ITGA4: variants seen among roughly 807,000 people sequenced by gnomAD.
The protein encoded by ITGA4 is integrin alpha-4.
ITGA4 carries 63 observed loss-of-function variants against 133.6 expected under a neutral mutation model. The observed-to-expected ratio is 0.47, with a 90% CI of 0.38 to 0.58. The LOEUF is 0.58. ITGA4 is among the 20% of genes least tolerant of loss of function. The pLI is 0.00. For synonymous variants in ITGA4, 483 were observed against 438.0 expected, an observed-to-expected ratio of 1.10 and a Z score of -1.28; for missense variants, 1,076 against 1,252.7, an observed-to-expected ratio of 0.86 and a Z score of 2.13.
chr2:181,462,001 T>C (rs1015008988), intron 2 of ITGA4, among the ~76,000 whole-genome samples: 1 of 152,168 alleles, frequency 6.6e-6, no homozygotes, highest in East Asian at 1.9e-4. Flanking sequence ...TTAGGCGAAA[T>C]AAAATTTTAG....
At position 181,494,880 on chromosome 2, in the gene ITGA4, A is replaced by C. The variant is rs908003773; in HGVS notation, c.1339+68A>C. On this transcript the variant is annotated intron_variant, in intron 12 of 27. Coordinates refer to ENST00000397033, the MANE Select transcript of ITGA4 (RefSeq NM_000885.6). ...CTATCATAGATACTGCTTTATAGTGAAGTACGTAAAACTGGTATGAAAGAC... is the reference window on the plus strand; with the variant it reads ...CTATCATAGATACTGCTTTATAGTGCAGTACGTAAAACTGGTATGAAAGAC... 37 of 819,590 alleles carry C rather than the reference A, an allele frequency of 4.5e-5. No individual in the cohort carries two copies. In the South Asian group the frequency reaches 5.4e-4, roughly 12 times the overall value. 50.8% of individuals were successfully genotyped at this position (819,590 alleles called of 1,614,324 possible). A position where few individuals can be genotyped will look rare whatever the true frequency, so the allele number is the denominator to read the frequency against.
Position 181,482,418 on chromosome 2 carries a change from A to G in ITGA4, c.899A>G (p.Lys300Arg). Residue 300 changes from lysine to arginine, a missense_variant, in exon 8 of 28, where the codon AAA becomes AGA. By Grantham distance (26) the Lys-to-Arg change is conservative. Transcript: ENST00000397033. ...AATATCTTACATGAAATGAAAGGTA[A>G]AAAGGTAATATGTCTCTACCTTTAG... is the stretch of plus-strand genomic sequence containing the variant. ...ELNILHEMKG[K>R]KLGSYFGASV... 5 of 1,613,326 alleles carry G rather than the reference A, an allele frequency of 3.1e-6. No individual in the cohort carries two copies. The highest frequency in any genetic ancestry group is 1.1e-5 in the South Asian group (1 of 90,996).
intron 2 of ITGA4, among the ~76,000 whole-genome samples, chr2:181,466,129 G>A (rs927989118): frequency 6.6e-5 from 10 of 152,014 alleles, no homozygotes; most frequent in African/African-American, 2.4e-4. Flanking sequence ...TCCTGGCAGA[G>A]ACCCCAAACC....
rs2105781880 is a variant in ITGA4, at chr2:181,537,588, T to C, written c.*2061T>C. 2.3e-6 allele frequency: 1 copy of C among 429,454 alleles called. No individual in the cohort carries two copies. Among genetic ancestry groups the C allele is most frequent in the Non-Finnish European group, 4.6e-6 (1 of 217,634 alleles). 26.6% of individuals were successfully genotyped at this position (429,454 alleles called of 1,614,324 possible). ...AGGCAGACTTATGAAATCTGTATTATATTTGTAACAGAATATAGGAAATTT... is the reference window on the plus strand; with the variant it reads ...AGGCAGACTTATGAAATCTGTATTACATTTGTAACAGAATATAGGAAATTT... On this transcript the variant is annotated 3_prime_UTR_variant, in exon 28 of 28. Transcript: ENST00000397033.
At chr2:181,480,467 C>T (rs1261866457) in intron 6 of ITGA4, among the ~76,000 whole-genome samples, 1 of 152,030 alleles carries the variant, frequency 6.6e-6, no homozygotes, top group East Asian at 1.9e-4. Flanking sequence ...ACACATGTGA[C>T]TAAAATCATC....
intron 23 of ITGA4, among the ~76,000 whole-genome samples, chr2:181,530,045 ACTT>A (rs1304382881): frequency 6.6e-6 from 1 of 152,214 alleles, no homozygotes; most frequent in African/African-American, 2.4e-5. Context: ...TATTCAAACC[ACTT>A]CTTAAGAACC....
chr2:181,458,791 T>C (rs1282335870), intron 2 of ITGA4: 1 of 156,890 alleles, frequency 6.4e-6, no homozygotes, highest in Non-Finnish European at 1.4e-5. Context: ...AAAAAAAAAG[T>C]GATAGTTTTA....
chr2:181,524,460 G>A (rs1686792205), intron 20 of ITGA4: 2 of 444,148 alleles, frequency 4.5e-6, no homozygotes, highest in Admixed American at 4.3e-5. Context: ...TATTAGATTA[G>A]ATTAGAGTAG....
At chr2:181,533,851 G>A (rs747074825) in intron 25 of ITGA4, among the ~76,000 whole-genome samples, 7 of 152,094 alleles carry the variant, frequency 4.6e-5, no homozygotes, top group East Asian at 1.9e-4. Context: ...TGGATTCTGC[G>A]TTATAAAATC....
chr2:181,531,941 A>G (rs1686953966), intron 25 of ITGA4, among the ~76,000 whole-genome samples, 165 bp downstream of exon 25: 2 of 152,238 alleles, frequency 1.3e-5, no homozygotes. Flanking sequence ...AACTATCTAC[A>G]TTGACTAAGT....
chr2:181,534,279 C>CT lies in ITGA4; in HGVS notation c.2794dup (p.Ser932PhefsTer6). ...CCTTCTTTTATTAAACAGGATGAGA[C>CT]TTCAGCACTCAAGTTTGAAATAAGA... On this transcript the variant is annotated frameshift_variant, in exon 26 of 28. Coordinates refer to ENST00000397033, the MANE Select transcript of ITGA4 (RefSeq NM_000885.6). LOFTEE classifies it high-confidence loss of function. 1 of 1,594,738 alleles carries CT rather than the reference C, an allele frequency of 6.3e-7. No individual in the cohort carries two copies. The highest frequency in any genetic ancestry group is 8.6e-7 in the Non-Finnish European group (1 of 1,162,752).
chr2:181,523,489 T>A lies in ITGA4; in HGVS notation c.2126T>A (p.Leu709His), dbSNP rs761091816. The A allele has an allele frequency of 1.2e-6, 2 of 1,609,194 alleles. No homozygotes were observed. Among genetic ancestry groups the A allele is most frequent in the Admixed American group, 3.3e-5 (2 of 60,002 alleles). Residue 709 changes from leucine to histidine, a missense_variant, in exon 19 of 28, where the codon CTT becomes CAT. Coordinates refer to ENST00000397033, the MANE Select transcript of ITGA4 (RefSeq NM_000885.6). This position sits in a 1 kb window ranked among gnomAD's most constrained non-coding sequence, Gnocchi z 4.2. ...ACAGATAACTCTGGCGTGGTACAAC[T>A]TGACTGCAGTATTGGCTATATATAT... is the stretch of plus-strand genomic sequence containing the variant. ...EVTDNSGVVQ[L>H]DCSIGYIYVD...
chr2:181,460,682 T>C (rs1685254613), intron 2 of ITGA4, among the ~76,000 whole-genome samples: 1 of 151,942 alleles, frequency 6.6e-6, no homozygotes, highest in Non-Finnish European at 1.5e-5. Context: ...CTTAGCTCAG[T>C]ACTGACACAT....
At chr2:181,535,098 C>T (rs1252160774) in intron 27 of ITGA4, among the ~76,000 whole-genome samples, 163 bp downstream of exon 27, 1 of 152,024 alleles carries the variant, frequency 6.6e-6, no homozygotes, top group Non-Finnish European at 1.5e-5. Context: ...CAAAGTCTTT[C>T]TAGAAAAATA....
rs1334769925 is a variant in ITGA4 at position 181,509,651 on chromosome 2, T to G, written c.1696-7T>G. On this transcript the variant is annotated splice_region_variant and splice_polypyrimidine_tract_variant and intron_variant, in intron 15 of 27. Coordinates refer to ENST00000397033, the MANE Select transcript of ITGA4 (RefSeq NM_000885.6). ...TTGTTAATTCATATGGTGGTTATTTTCCTTAGAAAGATGTGCGGGACATCC... is the reference window on the plus strand; with the variant it reads ...TTGTTAATTCATATGGTGGTTATTTGCCTTAGAAAGATGTGCGGGACATCC... The G allele has an allele frequency of 1.3e-6, 2 of 1,567,966 alleles. No homozygotes were observed. The highest frequency in any genetic ancestry group is 2.8e-5 in the African/African-American group (2 of 72,352).
At chr2:181,511,113 C>T (rs1686498518) in intron 16 of ITGA4, among the ~76,000 whole-genome samples, 1 of 151,906 alleles carries the variant, frequency 6.6e-6, no homozygotes, top group African/African-American at 2.4e-5. Context: ...CCATTTTTTC[C>T]TTTTGCCCAG....
At chr2:181,490,622 A>C (rs971843535) in intron 10 of ITGA4, among the ~76,000 whole-genome samples, 1 of 152,098 alleles carries the variant, frequency 6.6e-6, no homozygotes, top group Non-Finnish European at 1.5e-5. Context: ...ATGAGTCTAT[A>C]GAGCATGGGA....
At chr2:181,532,746 C>T (rs1340456818) in intron 25 of ITGA4, among the ~76,000 whole-genome samples, 1 of 152,108 alleles carries the variant, frequency 6.6e-6, no homozygotes, top group East Asian at 1.9e-4. Flanking sequence ...TTTCTCTTGC[C>T]TGATTGCCCT....
Position 181,494,026 on chromosome 2 carries a change from T to C in ITGA4, c.1248+607T>C, listed in dbSNP as rs531325895. Among the ~76,000 whole-genome samples, 416 of 152,304 alleles carry C rather than the reference T, an allele frequency of 2.7e-3. 2 individuals carry two copies. Among genetic ancestry groups the C allele is most frequent in the Non-Finnish European group, 4.7e-3 (317 of 68,020 alleles). On this transcript the variant is annotated intron_variant, in intron 11 of 27. Coordinates refer to ENST00000397033, the MANE Select transcript of ITGA4 (RefSeq NM_000885.6). The stretch of plus-strand genomic sequence containing the variant: ...GCACAGTTATTTTTGATTAGAAAAA[T>C]GAGCAAATGGTTCTCTGTAATTGAC...
Sources: allele counts gnomAD v4.1 joint callset (sites outside exome capture counted in the v4.1 genomes callset), GRCh38; gene constraint gnomAD v4.1.1; non-coding constraint Gnocchi (gnomAD v3.1); transcripts MANE v1.5; gene names NCBI Gene and HGNC (gene_info 2026-07-23, HGNC 2026-07-21).